Variants in ERI1 observed in about 807,000 individuals in gnomAD.
The protein encoded by ERI1 is 3'-5' exoribonuclease 1.
A neutral mutation model predicts 39.7 loss-of-function variants in ERI1; 39 were observed. That is an observed-to-expected ratio of 0.98 (90% CI 0.76 to 1.28). ERI1 has a LOEUF of 1.28. Among genes scored for constraint, ERI1 ranks in the 50% most tolerant of loss-of-function variants. The pLI, the probability that ERI1 is intolerant of heterozygous loss-of-function variation, is 0.00. For missense variants in ERI1, 581 were observed against 416.9 expected, an observed-to-expected ratio of 1.39 and a Z score of -3.43; for synonymous variants, 204 against 149.6, an observed-to-expected ratio of 1.36 and a Z score of -2.65.
Position 9,030,104 on chromosome 8 carries a change from T to A in ERI1, c.*70T>A. On this transcript the variant is annotated 3_prime_UTR_variant, in exon 7 of 7. Coordinates refer to ENST00000250263, the MANE Select transcript of ERI1 (RefSeq NM_153332.4). ...GAGGTAGCAGATGAATCTCATTGAATTAGTCCTGTAGTGCAAACTTTAAGC... is the reference window on the plus strand; with the variant it reads ...GAGGTAGCAGATGAATCTCATTGAAATAGTCCTGTAGTGCAAACTTTAAGC... The A allele has an allele frequency of 6.3e-7, 1 of 1,585,886 alleles. No individual in the cohort carries two copies. The highest frequency in any genetic ancestry group is 8.6e-7 in the Non-Finnish European group (1 of 1,160,512).
rs1014552649 is a variant in ERI1, at chr8:9,031,902, C to G, written c.*1868C>G. The G allele has an allele frequency of 2.6e-5, 4 of 152,210 alleles. No individual in the cohort carries two copies. Among genetic ancestry groups the G allele is most frequent in the African/African-American group, 9.7e-5 (4 of 41,426 alleles). The allele number at this position is 152,210 out of a possible 1,614,324, so 9.4% of individuals were successfully genotyped here. A position where few individuals can be genotyped will look rare whatever the true frequency, so the allele number is the denominator to read the frequency against. On this transcript the variant is annotated 3_prime_UTR_variant, in exon 7 of 7. Transcript: ENST00000250263. The stretch of plus-strand genomic sequence containing the variant: ...CCTCCTGAGTAGCTCAGATTACAGG[C>G]GCGTGCCACCACACCCGCCTAATTT...
chr8:9,093,901 C>G (rs1346386058), intron 3 of ERI1, among the ~76,000 whole-genome samples: 1 of 152,098 alleles, frequency 6.6e-6, no homozygotes, highest in African/African-American at 2.4e-5. Context: ...ATTATTTTGT[C>G]AATGGAAGAG....
chr8:9,037,132 C>G (rs148870491), downstream of ERI1, among the ~76,000 whole-genome samples: 1 of 152,196 alleles, frequency 6.6e-6, no homozygotes, highest in African/African-American at 2.4e-5. Context: ...GCACACTGAT[C>G]TCAGAAACCT....
intron 1 of ERI1, among the ~76,000 whole-genome samples, chr8:9,003,834 A>G (rs1358320524): frequency 6.6e-6 from 1 of 152,232 alleles, no homozygotes; most frequent in Non-Finnish European, 1.5e-5. Context: ...ATCTTTTCCT[A>G]ATAATAAACA....
chr8:9,058,190 C>T (rs1412508725), intron 3 of ERI1, among the ~76,000 whole-genome samples: 1 of 152,184 alleles, frequency 6.6e-6, no homozygotes, highest in Non-Finnish European at 1.5e-5. Flanking sequence ...CCAGAGCCCT[C>T]ACGTGGCCCT....
chr8:9,014,044 AC>A (rs1816965654), intron 3 of ERI1, among the ~76,000 whole-genome samples: 1 of 152,016 alleles, frequency 6.6e-6, no homozygotes. Context: ...AAGTCATTTC[AC>A]CCCTCTGCTC....
chr8:9,094,756 A>G (rs1056453260), intron 3 of ERI1, among the ~76,000 whole-genome samples: 4 of 152,182 alleles, frequency 2.6e-5, no homozygotes, highest in Non-Finnish European at 4.4e-5. Flanking sequence ...CTTCCCTAAC[A>G]CTTAACAATG....
chr8:9,096,462 T>A (rs1453348220), intron 3 of ERI1, among the ~76,000 whole-genome samples: 1 of 152,084 alleles, frequency 6.6e-6, no homozygotes, highest in Non-Finnish European at 1.5e-5. Flanking sequence ...ATGCTTTCTT[T>A]CCCATGGAGG....
intron 6 of ERI1, among the ~76,000 whole-genome samples, chr8:9,022,058 C>G (rs922137882): frequency 6.6e-6 from 1 of 152,052 alleles, no homozygotes; most frequent in East Asian, 1.9e-4. Flanking sequence ...ATTGACATTA[C>G]TAGATAATAC....
intron 3 of ERI1, among the ~76,000 whole-genome samples, chr8:9,060,470 G>A (rs999246459): frequency 6.6e-6 from 1 of 152,118 alleles, no homozygotes; most frequent in Admixed American, 6.5e-5. Context: ...ATCCCTGAGG[G>A]GCAGTAGAAT....
At chr8:9,034,065 T>G (rs1299379964), downstream of ERI1, among the ~76,000 whole-genome samples, 1 of 152,242 alleles carries the variant, frequency 6.6e-6, no homozygotes, top group Non-Finnish European at 1.5e-5. Context: ...TTCTTGAGAT[T>G]AGAAATGTTA....
At position 9,048,236 on chromosome 8, in the gene ERI1, T is replaced by G. The variant is rs555534887; in HGVS notation, n.299+27772T>G. On this transcript the variant is annotated intron_variant and non_coding_transcript_variant, in intron 3 of 3. Transcript: ENST00000518663. The stretch of plus-strand genomic sequence containing the variant: ...GGCTGTCATCTCTGGAGGCACTGAT[T>G]TGCTTCATCGATCTGAGAGCAGCTT... Among the ~76,000 whole-genome samples the G allele has an allele frequency of 4.6e-5, 7 of 152,288 alleles. No individual in the cohort carries two copies. The South Asian group carries it at 1.5e-3, about 32-fold the overall frequency.
rs543651382 is a variant in ERI1, at chr8:9,066,651, T to G, written n.299+46187T>G. On this transcript the variant is annotated intron_variant and non_coding_transcript_variant, in intron 3 of 3. Transcript: ENST00000518663. Reference sequence around the variant, plus strand: ...ATGTTCAGTTATGAGTGCCGGTCATTGTTTTTAAAGGAAGGGACATACTTA... The same window carrying G: ...ATGTTCAGTTATGAGTGCCGGTCATGGTTTTTAAAGGAAGGGACATACTTA... 3.3e-5 allele frequency among the ~76,000 whole-genome samples: 5 copies of G among 152,354 alleles called. 1 individual carries two copies. In the South Asian group the frequency reaches 1.0e-3, roughly 32 times the overall value.
chr8:9,046,439 C>T (rs1171465290), intron 3 of ERI1, among the ~76,000 whole-genome samples: 1 of 152,242 alleles, frequency 6.6e-6, no homozygotes, highest in African/African-American at 2.4e-5. Context: ...CACGGCCACA[C>T]TCCTCTCCTT....
In ERI1 at chr8:9,003,042, C is replaced by G. The variant is rs1279886380; in HGVS notation, c.-22C>G. ...TAGCAAGTGTCCGGCTCCAGCAACTCTCCTCTGGCGTGACAGCCGGCATGG... is the reference window on the plus strand; with the variant it reads ...TAGCAAGTGTCCGGCTCCAGCAACTGTCCTCTGGCGTGACAGCCGGCATGG... On this transcript the variant is annotated 5_prime_UTR_variant, in exon 1 of 7. Transcript: ENST00000250263. 3 of 1,236,898 alleles carry G rather than the reference C, an allele frequency of 2.4e-6. No homozygotes were observed. The highest frequency in any genetic ancestry group is 3.1e-6 in the Non-Finnish European group (3 of 978,822). The allele number at this position is 1,236,898 out of a possible 1,614,324, so 76.6% of individuals were successfully genotyped here. A position where few individuals can be genotyped will look rare whatever the true frequency, so the allele number is the denominator to read the frequency against.
chr8:9,029,646 C>G, intron 6 of ERI1, 146 bp from the exon 7 acceptor site: 2 of 988,624 alleles, frequency 2.0e-6, no homozygotes, highest in South Asian at 1.7e-5. Flanking sequence ...TTTTTATTTG[C>G]CTTATTTGAG....
chr8:9,031,739 A>C lies in ERI1; in HGVS notation c.*1705A>C, dbSNP rs138661988. 2 of 152,260 alleles carry C rather than the reference A, an allele frequency of 1.3e-5. No homozygotes were observed. The highest frequency in any genetic ancestry group is 3.9e-4 in the East Asian group (2 of 5,180). The allele number at this position is 152,260 out of a possible 1,614,324, so 9.4% of individuals were successfully genotyped here. A position where few individuals can be genotyped will look rare whatever the true frequency, so the allele number is the denominator to read the frequency against. ...TTCTTTTTAAGAACTTCAACATTAT[A>C]AGCTCTCAGTACCCTATTTTGTTGT... On this transcript the variant is annotated 3_prime_UTR_variant, in exon 7 of 7. Transcript: ENST00000250263.
intron 3 of ERI1, among the ~76,000 whole-genome samples, chr8:9,086,855 T>C (rs917798004): frequency 1.3e-5 from 2 of 152,232 alleles, no homozygotes; most frequent in Admixed American, 1.3e-4. Context: ...CATTATTCTG[T>C]ATGTTTTCCT....
intron 3 of ERI1, among the ~76,000 whole-genome samples, chr8:9,042,294 A>G (rs1244119867): frequency 6.6e-6 from 1 of 152,194 alleles, no homozygotes; most frequent in Non-Finnish European, 1.5e-5. Context: ...GTGGCACACA[A>G]GATTTCAACT....
Sources: allele counts gnomAD v4.1 joint callset (sites outside exome capture counted in the v4.1 genomes callset), GRCh38; gene constraint gnomAD v4.1.1; transcripts MANE v1.5; gene names NCBI Gene and HGNC (gene_info 2026-07-23, HGNC 2026-07-21).